SESTD1: variants seen among roughly 807,000 people sequenced by gnomAD.
SESTD1 encodes the protein SEC14 domain and spectrin repeat-containing protein 1.
A neutral mutation model predicts 101.7 loss-of-function variants in SESTD1; 43 were observed. The observed-to-expected ratio is 0.42, with a 90% CI of 0.33 to 0.55. The LOEUF is 0.55. Among genes scored for constraint, SESTD1 ranks in the 20% least tolerant of loss-of-function variants. SESTD1 has a pLI of 0.07. For missense variants in SESTD1, 647 were observed against 815.1 expected (o/e 0.79, Z 2.51); for synonymous variants, 283 against 286.8 (o/e 0.99, Z 0.13).
Position 179,254,093 on chromosome 2 carries a change from T to C in SESTD1, c.-26+10406A>G, listed in dbSNP as rs1374891334. ...TCAGCCTGGGTGGCAGAGTGAGACC[T>C]TGTCTCGAAAAAAAAATAAAATAAT... is the stretch of plus-strand genomic sequence containing the variant. On this transcript the variant is annotated intron_variant, in intron 1 of 17. Coordinates refer to ENST00000428443, the MANE Select transcript of SESTD1 (RefSeq NM_178123.5). Among the ~76,000 whole-genome samples the C allele has an allele frequency of 1.3e-5, 2 of 151,190 alleles. 1 individual carries two copies. Among genetic ancestry groups the C allele is most frequent in the Non-Finnish European group, 3.0e-5 (2 of 67,778 alleles).
At chr2:179,135,274 G>A (rs2045114610) in intron 9 of SESTD1, among the ~76,000 whole-genome samples, 1 of 151,968 alleles carries the variant, frequency 6.6e-6, no homozygotes, top group Non-Finnish European at 1.5e-5. Flanking sequence ...AAATACTTCT[G>A]CCAATTGAAA....
intron 1 of SESTD1, among the ~76,000 whole-genome samples, chr2:179,261,521 G>C (rs1212968599): frequency 6.6e-6 from 1 of 151,994 alleles, no homozygotes; most frequent in Admixed American, 6.6e-5. Flanking sequence ...CATTAAATGA[G>C]AAAATTATAT....
chr2:179,171,178 G>C lies in SESTD1; in HGVS notation c.369+942C>G, dbSNP rs112367265. 2.1e-3 allele frequency among the ~76,000 whole-genome samples: 324 copies of C among 152,228 alleles called. 6 individuals are homozygous for C. The highest frequency in any genetic ancestry group is 7.5e-3 in the African/African-American group (310 of 41,564). Reference sequence around the variant, plus strand: ...TTTATATGTTTTGTCAGAACTCTCAGAACTACACACTAAAATGAATTAATT... The same window carrying C: ...TTTATATGTTTTGTCAGAACTCTCACAACTACACACTAAAATGAATTAATT... On this transcript the variant is annotated intron_variant, in intron 5 of 17. Transcript: ENST00000428443.
chr2:179,125,342 A>C (rs973077334), intron 10 of SESTD1, among the ~76,000 whole-genome samples: 1 of 152,090 alleles, frequency 6.6e-6, no homozygotes, highest in African/African-American at 2.4e-5. Context: ...CCTCACTTCC[A>C]TCCTTGATCA....
intron 1 of SESTD1, among the ~76,000 whole-genome samples, chr2:179,196,301 G>A (rs571306787): frequency 6.6e-5 from 10 of 152,322 alleles, no homozygotes; most frequent in African/African-American, 1.9e-4. Flanking sequence ...GGCTCGGAGG[G>A]TCCTACACCC....
chr2:179,112,937 AAAG>A (rs2154393681), intron 16 of SESTD1, 92 bp from the exon 17 acceptor site: 3 of 1,443,354 alleles, frequency 2.1e-6, no homozygotes, highest in East Asian at 2.4e-5. Context: ...AAAAGAGAGA[AAAG>A]AAAGACACAG....
Position 179,116,806 on chromosome 2 carries a change from T to G in SESTD1, c.1525-16A>C. The G allele has an allele frequency of 1.2e-6, 2 of 1,610,206 alleles. No individual in the cohort carries two copies. Among genetic ancestry groups the G allele is most frequent in the South Asian group, 1.1e-5 (1 of 90,880 alleles). On this transcript the variant is annotated splice_polypyrimidine_tract_variant and intron_variant, in intron 14 of 17. Transcript: ENST00000428443. ...ATTCTACTGCCTAAACAAAAAGACA[T>G]AACAATGAAGCTGGATTCAGAACTC...
intron 3 of SESTD1, among the ~76,000 whole-genome samples, chr2:179,182,502 T>C (rs551055350): frequency 5.3e-4 from 80 of 152,200 alleles, no homozygotes; most frequent in Non-Finnish European, 9.7e-4. Flanking sequence ...GTCCCAATTA[T>C]GGGAGAAGCA....
rs934099078 is a variant in SESTD1 at position 179,207,973 on chromosome 2, A to T, written c.-25-16107T>A. On this transcript the variant is annotated intron_variant, in intron 1 of 17. Coordinates refer to ENST00000428443, the MANE Select transcript of SESTD1 (RefSeq NM_178123.5). ...GTGAAAACCAACTTAAAGAAATTTT[A>T]AAAAATACAGGATATTAACGAAAAC... 1.2e-4 allele frequency among the ~76,000 whole-genome samples: 16 copies of T among 134,536 alleles called. 4 individuals carry two copies. The highest frequency in any genetic ancestry group is 3.8e-4 in the African/African-American group (13 of 34,074). The allele number at this position is 134,536 out of a possible 152,430, so 88.3% of individuals were successfully genotyped here. A position where few individuals can be genotyped will look rare whatever the true frequency, so the allele number is the denominator to read the frequency against.
At chr2:179,119,662 TA>T (rs2044705658) in intron 13 of SESTD1, among the ~76,000 whole-genome samples, 1 of 152,152 alleles carries the variant, frequency 6.6e-6, no homozygotes, top group South Asian at 2.1e-4. Flanking sequence ...AATGGACTAA[TA>T]AATACAAGGG....
rs2046937264 is a variant in SESTD1, at chr2:179,229,159, C to T, written c.-26+35340G>A. On this transcript the variant is annotated intron_variant, in intron 1 of 17. Coordinates refer to ENST00000428443, the MANE Select transcript of SESTD1 (RefSeq NM_178123.5). ...ACTGGGCCATGAGATGCCCAAATAT[C>T]TGGTTAAACATTATGTCTGGTTATG... Among the ~76,000 whole-genome samples, 3 of 152,158 alleles carry T rather than the reference C, an allele frequency of 2.0e-5. No homozygotes were observed. In the South Asian group the frequency reaches 6.2e-4, roughly 32 times the overall value.
chr2:179,195,923 GTTGT>G (rs988454779), intron 1 of SESTD1, among the ~76,000 whole-genome samples: 3 of 151,914 alleles, frequency 2.0e-5, no homozygotes, highest in Non-Finnish European at 2.9e-5. Flanking sequence ...AGAATAACTG[GTTGT>G]TTAAGACAGA....
intron 1 of SESTD1, among the ~76,000 whole-genome samples, chr2:179,248,270 T>C (rs1188143354): frequency 6.6e-6 from 1 of 151,918 alleles, no homozygotes; most frequent in Admixed American, 6.6e-5. Context: ...GTAAAATAAA[T>C]TCACAGTTTA....
At chr2:179,184,939 C>T (rs1234609196) in intron 2 of SESTD1, among the ~76,000 whole-genome samples, 1 of 151,910 alleles carries the variant, frequency 6.6e-6, no homozygotes, top group Non-Finnish European at 1.5e-5. Context: ...TGAAAGCCAA[C>T]AGGAAAAAGA....
intron 5 of SESTD1, among the ~76,000 whole-genome samples, chr2:179,159,822 C>T (rs1199243553): frequency 6.6e-6 from 1 of 151,246 alleles, no homozygotes; most frequent in Non-Finnish European, 1.5e-5. Flanking sequence ...GTTCTATGAC[C>T]CGGCAAAGAA....
chr2:179,211,013 T>C (rs567026506), intron 1 of SESTD1, among the ~76,000 whole-genome samples: 1 of 131,776 alleles, frequency 7.6e-6, no homozygotes, highest in African/African-American at 3.0e-5. Flanking sequence ...GTAGCACTGC[T>C]ACACACCAAC....
chr2:179,242,491 C>T (rs746965983), intron 1 of SESTD1, among the ~76,000 whole-genome samples: 3 of 152,052 alleles, frequency 2.0e-5, no homozygotes, highest in Non-Finnish European at 4.4e-5. Context: ...AACCAAAAAA[C>T]GACCCAAGTA....
intron 1 of SESTD1, among the ~76,000 whole-genome samples, chr2:179,246,254 C>CAAAA (rs60185738): frequency 5.0e-4 from 37 of 73,646 alleles, no homozygotes; most frequent in Non-Finnish European, 5.9e-4. Context: ...GACTCCATCT[C>CAAAA]AAAAAAAAAA....
At chr2:179,180,443 TG>T (rs2046088972) in intron 3 of SESTD1, among the ~76,000 whole-genome samples, 1 of 152,138 alleles carries the variant, frequency 6.6e-6, no homozygotes, top group Non-Finnish European at 1.5e-5. Context: ...CATTAACAGC[TG>T]GAAGCTGGGA....
Sources: allele counts gnomAD v4.1 joint callset (sites outside exome capture counted in the v4.1 genomes callset), GRCh38; gene constraint gnomAD v4.1.1; transcripts MANE v1.5; gene names NCBI Gene and HGNC (gene_info 2026-07-23, HGNC 2026-07-21).